The following PCDH11Y variants were observed in gnomAD, a reference collection of about 807,000 sequenced individuals.
PCDH11Y encodes protocadherin 11 Y-linked.
For synonymous variants in PCDH11Y, 9 were observed against 83.6 expected (o/e 0.11, Z 4.87); for missense variants, 12 against 224.8 (o/e 0.05, Z 6.05).
intron 4 of PCDH11Y, among the ~76,000 whole-genome samples, chrY:5,592,517 C>T: frequency 1.6e-4 from 5 of 31,834 alleles, no homozygotes; most frequent in South Asian, 7.3e-4. Context: ...AGCTTGTTTA[C>T]GTTCAAGGTT....
chrY:5,372,158 T>C, intron 2 of PCDH11Y, among the ~76,000 whole-genome samples: 2 of 32,733 alleles, frequency 6.1e-5, no homozygotes, highest in Non-Finnish European at 1.5e-4. Flanking sequence ...TAAATGAAGA[T>C]ACAACCTGAC....
At chrY:5,164,246 C>A (rs2124644705) in intron 2 of PCDH11Y, among the ~76,000 whole-genome samples, 1 of 30,787 alleles carries the variant, frequency 3.2e-5, no homozygotes, top group South Asian at 7.5e-4. Context: ...CCAGGTTGGT[C>A]TCAGACTCCT....
At chrY:5,546,394 G>A in intron 3 of PCDH11Y, among the ~76,000 whole-genome samples, 1 of 32,602 alleles carries the variant, frequency 3.1e-5, no homozygotes, top group South Asian at 6.8e-4. Flanking sequence ...TTCCTGCATC[G>A]AGCCTGACCC....
intron 2 of PCDH11Y, among the ~76,000 whole-genome samples, chrY:5,272,926 GAA>G (rs2053038877): frequency 3.1e-5 from 1 of 32,254 alleles, no homozygotes; most frequent in Non-Finnish European, 7.5e-5. Context: ...ACTTTGAGAC[GAA>G]AGAACTTCCA....
rs2124683950 is a variant in PCDH11Y, at chrY:5,462,787, C to G, written c.3130-38270C>G. Among the ~76,000 whole-genome samples, 3 of 31,927 alleles carry G rather than the reference C, an allele frequency of 9.4e-5. No homozygotes were observed. The South Asian group carries it at 2.2e-3, about 23-fold the overall frequency. 85.7% of individuals were successfully genotyped at this position (31,927 alleles called of 37,273 possible). ...AAGTAGCTGAGATTACAGGCATGCACTGCCACGCCCAGTCAATTTTGTATT... is the reference window on the plus strand; with the variant it reads ...AAGTAGCTGAGATTACAGGCATGCAGTGCCACGCCCAGTCAATTTTGTATT... On this transcript the variant is annotated intron_variant, in intron 2 of 4. Coordinates refer to the PCDH11Y transcript ENST00000400457.
At chrY:5,579,083 A>G in intron 3 of PCDH11Y, among the ~76,000 whole-genome samples, 1 of 33,335 alleles carries the variant, frequency 3.0e-5, no homozygotes, top group African/African-American at 1.2e-4. Context: ...AAGCTCTTCA[A>G]CCATCATCTA....
intron 2 of PCDH11Y, among the ~76,000 whole-genome samples, chrY:5,394,201 C>A (rs2124676261): frequency 2.9e-5 from 1 of 33,929 alleles, no homozygotes; most frequent in South Asian, 6.5e-4. Flanking sequence ...GTCCTTAATT[C>A]TTTTCTTTGG....
chrY:5,013,042 G>A, intron 1 of PCDH11Y, among the ~76,000 whole-genome samples: 15 of 30,398 alleles, frequency 4.9e-4, no homozygotes, highest in African/African-American at 9.1e-4. Flanking sequence ...GTAGAGAGGG[G>A]GTTTCACCGT....
intron 3 of PCDH11Y, among the ~76,000 whole-genome samples, chrY:5,519,269 A>G (rs2053376764): frequency 3.2e-5 from 1 of 31,110 alleles, no homozygotes; most frequent in Non-Finnish European, 7.7e-5. Flanking sequence ...GGGCGCCTGT[A>G]GTCCCAGCTA....
chrY:5,067,195 A>T (rs2124629918), intron 1 of PCDH11Y, among the ~76,000 whole-genome samples: 4 of 32,463 alleles, frequency 1.2e-4, no homozygotes, highest in African/African-American at 4.8e-4. Context: ...AAGCATTTTC[A>T]TATAGCTAGA....
rs1162574877 is a variant in PCDH11Y at position 5,427,417 on chromosome Y, C to A, written c.3130-73640C>A. 2.2e-4 allele frequency among the ~76,000 whole-genome samples: 7 copies of A among 31,607 alleles called. No individual in the cohort carries two copies. In the East Asian group the frequency reaches 5.9e-3, roughly 27 times the overall value. The allele number at this position is 31,607 out of a possible 37,273, so 84.8% of individuals were successfully genotyped here. On this transcript the variant is annotated intron_variant, in intron 2 of 4. Transcript: ENST00000400457. The stretch of plus-strand genomic sequence containing the variant: ...CACAAAATGTGTACATTTTTTTTTT[C>A]TGTAAGAAAGAAGGCAGCTAACTTT...
intron 2 of PCDH11Y, among the ~76,000 whole-genome samples, chrY:5,299,122 G>T (rs2053078847): frequency 6.2e-5 from 2 of 32,461 alleles, no homozygotes; most frequent in Non-Finnish European, 1.5e-4. Flanking sequence ...TTTTCTTAGT[G>T]TGCTTCAATA....
intron 3 of PCDH11Y, among the ~76,000 whole-genome samples, chrY:5,521,893 G>C (rs2053381460): frequency 4.4e-4 from 14 of 32,104 alleles, no homozygotes; most frequent in Admixed American, 1.4e-3. Context: ...TTTTTGAGAC[G>C]GAGTCTCACT....
intron 2 of PCDH11Y, among the ~76,000 whole-genome samples, chrY:5,427,027 C>G (rs2053264000): frequency 3.0e-5 from 1 of 32,850 alleles, no homozygotes; most frequent in Admixed American, 2.8e-4. Flanking sequence ...TCCCTACTAA[C>G]ACGAGTTCTT....
At chrY:5,301,185 T>A in intron 2 of PCDH11Y, among the ~76,000 whole-genome samples, 2 of 33,934 alleles carry the variant, frequency 5.9e-5, no homozygotes, top group Non-Finnish European at 1.5e-4. Flanking sequence ...TAACCAAAAT[T>A]CCATAGCTTT....
intron 4 of PCDH11Y, among the ~76,000 whole-genome samples, chrY:5,651,864 T>TA (rs2053531551): frequency 5.4e-3 from 146 of 26,848 alleles, no homozygotes; most frequent in African/African-American, 0.02. Context: ...CTCCTTCATT[T>TA]AAAAAAAAAA....
intron 2 of PCDH11Y, among the ~76,000 whole-genome samples, chrY:5,333,877 G>A: frequency 3.1e-5 from 1 of 32,198 alleles, no homozygotes; most frequent in Non-Finnish European, 7.5e-5. Context: ...GGGCAACAGA[G>A]GCAGATTCCA....
At chrY:5,282,536 G>T (rs1602899100) in intron 2 of PCDH11Y, among the ~76,000 whole-genome samples, 3 of 33,658 alleles carry the variant, frequency 8.9e-5, no homozygotes. Flanking sequence ...TACTTGATTT[G>T]CCTTTAATTT....
exon 5 of PCDH11Y, chrY:5,740,833 TC>T (rs2053616900): frequency 8.9e-5 from 3 of 33,748 alleles, no homozygotes; most frequent in Non-Finnish European, 1.5e-4. Context: ...AATTAAAACT[TC>T]AAACTGAATG....
Sources: allele counts gnomAD v4.1 joint callset (sites outside exome capture counted in the v4.1 genomes callset), GRCh38; gene constraint gnomAD v4.1.1; transcripts MANE v1.5; gene names NCBI Gene and HGNC (gene_info 2026-07-23, HGNC 2026-07-21).